MCCC1: variants seen among roughly 807,000 people sequenced by gnomAD.
MCCC1 encodes the protein methylcrotonoyl-CoA carboxylase subunit alpha, mitochondrial.
A neutral mutation model predicts 83.8 loss-of-function variants in MCCC1; 64 were observed. The ratio of observed to expected loss-of-function variants is 0.76; its 90% CI spans 0.62 to 0.94. The LOEUF (loss-of-function observed/expected upper bound fraction) is 0.94. MCCC1 is among the 40% of genes least tolerant of loss of function. The pLI is 0.00. For missense variants in MCCC1, 807 were observed against 904.7 expected, an observed-to-expected ratio of 0.89 and a Z score of 1.39; for synonymous variants, 322 against 315.4, an observed-to-expected ratio of 1.02 and a Z score of -0.22.
At position 183,080,977 on chromosome 3, in the gene MCCC1, A is replaced by T. The variant is rs532378102; in HGVS notation, c.369+5716T>A. Among the ~76,000 whole-genome samples the T allele has an allele frequency of 1.2e-4, 18 of 152,364 alleles. No homozygotes were observed. In the South Asian group the frequency reaches 3.7e-3, roughly 32 times the overall value. ...TCACCTCCTACCGGGTTCCTCCCAT[A>T]ATACGTGGGAATTGTAGGAGTTGCA... On this transcript the variant is annotated intron_variant, in intron 4 of 18. Coordinates refer to ENST00000265594, the MANE Select transcript of MCCC1 (RefSeq NM_020166.5).
chr3:183,080,363 T>C (rs979365396), intron 4 of MCCC1, among the ~76,000 whole-genome samples: 7 of 152,166 alleles, frequency 4.6e-5, no homozygotes, highest in Non-Finnish European at 2.9e-5. Flanking sequence ...TCTCTCAAGT[T>C]TGAAGGTCCA....
At position 183,022,557 on chromosome 3, in the gene MCCC1, G is replaced by GA. The variant is rs1252683350; in HGVS notation, c.1732-4dup. ...ACTTGGAAAGTTTTATCTTCAATCTGAAAAAAATGAAAAATAAGATTTTTA... is the reference window on the plus strand; with the variant it reads ...ACTTGGAAAGTTTTATCTTCAATCTGAAAAAAAATGAAAAATAAGATTTTTA... On this transcript the variant is annotated splice_region_variant and splice_polypyrimidine_tract_variant and intron_variant, in intron 15 of 18. Transcript: ENST00000265594. 2 of 1,602,110 alleles carry GA rather than the reference G, an allele frequency of 1.2e-6. No homozygotes were observed. The highest frequency in any genetic ancestry group is 1.7e-6 in the Non-Finnish European group (2 of 1,171,356).
intron 10 of MCCC1, 131 bp from the exon 11 acceptor site, chr3:183,041,881 T>C: frequency 9.9e-7 from 1 of 1,013,050 alleles, no homozygotes; most frequent in Non-Finnish European, 1.5e-6. Flanking sequence ...ATAAAAACTA[T>C]TATTTTGTCT....
At chr3:183,082,634 A>G (rs2108546055) in intron 4 of MCCC1, among the ~76,000 whole-genome samples, 1 of 152,306 alleles carries the variant, frequency 6.6e-6, no homozygotes, top group South Asian at 2.1e-4. Flanking sequence ...AGACAGGGTT[A>G]ACTACAACCT....
chr3:183,092,749 A>G (rs1488457725), intron 2 of MCCC1, among the ~76,000 whole-genome samples: 2 of 152,240 alleles, frequency 1.3e-5, no homozygotes, highest in Admixed American at 1.3e-4. Context: ...GGTACTCATT[A>G]ACATAAATTA....
rs984881958 is a variant in MCCC1 at position 183,015,480 on chromosome 3, G to A, written c.2136C>T (p.Val712=). ...TGTCTGATTCTTCCTCCTCAAACTC[G>A]ACTAAAGGAGTGTGTCTGTTGGCCT... ...GAQANRHTPL[V]EFEEEESDKR... The change falls in exon 19 of 19, where the codon GTC becomes GTT. Residue 712 remains valine (V), a synonymous_variant. Coordinates refer to ENST00000265594, the MANE Select transcript of MCCC1 (RefSeq NM_020166.5). 3.1e-6 allele frequency: 5 copies of A among 1,614,056 alleles called. 1 individual carries two copies. In the African/African-American group the frequency reaches 6.7e-5, roughly 22 times the overall value.
rs115056943 is a variant in MCCC1 at position 183,083,109 on chromosome 3, A to C, written c.369+3584T>G. 3.5e-3 allele frequency among the ~76,000 whole-genome samples: 540 copies of C among 152,348 alleles called. 3 individuals are homozygous for C. The highest frequency in any genetic ancestry group is 0.012 in the African/African-American group (511 of 41,584). ...TAAATTTTACTTTAATTTCTATAAA[A>C]GTATGTCAAAATGGCCACATTAAGA... On this transcript the variant is annotated intron_variant, in intron 4 of 18. Transcript: ENST00000265594.
Position 183,015,393 on chromosome 3 carries a change from T to C in MCCC1, c.*45A>G. The C allele has an allele frequency of 6.2e-7, 1 of 1,611,838 alleles. No individual in the cohort carries two copies. Among genetic ancestry groups the C allele is most frequent in the South Asian group, 1.1e-5 (1 of 90,992 alleles). ...AGCTGGAGGCACTTCCTCTTTTTGG[T>C]GGAGAGAGAAGACACTACTTAACTG... is the stretch of plus-strand genomic sequence containing the variant. On this transcript the variant is annotated 3_prime_UTR_variant, in exon 19 of 19. Coordinates refer to ENST00000265594, the MANE Select transcript of MCCC1 (RefSeq NM_020166.5).
At chr3:183,048,610 G>T (rs111997587) in intron 9 of MCCC1, among the ~76,000 whole-genome samples, 13 of 152,144 alleles carry the variant, frequency 8.5e-5, no homozygotes, top group African/African-American at 3.1e-4. Context: ...TAGCAAAAAA[G>T]AATTGTAAGG....
At chr3:183,070,714 C>G (rs887265336) in intron 7 of MCCC1, among the ~76,000 whole-genome samples, 40 of 142,394 alleles carry the variant, frequency 2.8e-4, no homozygotes, top group Non-Finnish European at 4.2e-4. Context: ...GCCTGGGCAA[C>G]TGAATGAGAG....
intron 1 of MCCC1, among the ~76,000 whole-genome samples, chr3:183,095,218 G>C (rs191848197): frequency 6.6e-6 from 1 of 152,102 alleles, no homozygotes; most frequent in Admixed American, 6.5e-5. Flanking sequence ...AGGAGGCAGA[G>C]CTTGCAGTGA....
chr3:183,100,811 T>C (rs1719201457), upstream of MCCC1, among the ~76,000 whole-genome samples: 1 of 152,242 alleles, frequency 6.6e-6, no homozygotes, highest in Non-Finnish European at 1.5e-5. Context: ...TGAGGAGCCC[T>C]TCAGTCCCCC....
chr3:183,106,451 T>C (rs1272186761), intron 1 of MCCC1, among the ~76,000 whole-genome samples: 1 of 152,108 alleles, frequency 6.6e-6, no homozygotes, highest in Non-Finnish European at 1.5e-5. Flanking sequence ...ATAGTACCCT[T>C]CACCTAGATT....
At chr3:183,022,675 T>C (rs997309773) in intron 15 of MCCC1, 121 bp from the exon 16 acceptor site, 2 of 865,250 alleles carry the variant, frequency 2.3e-6, no homozygotes, top group African/African-American at 1.7e-5. Context: ...TAAACATATA[T>C]AACATATATT....
At chr3:183,063,718 G>A (rs1409109721) in intron 7 of MCCC1, among the ~76,000 whole-genome samples, 1 of 152,084 alleles carries the variant, frequency 6.6e-6, no homozygotes, top group African/African-American at 2.4e-5. Flanking sequence ...CAGGACCCCC[G>A]TCTGGTAACA....
rs773028245 is a variant in MCCC1, at chr3:183,071,143, G to A, written c.640-23C>T. On this transcript the variant is annotated intron_variant, in intron 6 of 18. Transcript: ENST00000265594. ...TCCCTAAGAGAGAAAAGATGATTAT[G>A]ACTACAACATAAATAAAACAAAGAA... The A allele has an allele frequency of 2.5e-6, 4 of 1,614,140 alleles. No homozygotes were observed. In the Admixed American group the frequency reaches 6.7e-5, roughly 27 times the overall value.
Position 183,027,033 on chromosome 3 carries a change from G to A in MCCC1, c.1682-1229C>T, listed in dbSNP as rs947055451. ...TTTTCCAACAGCATGTGCTCACTTCGTGTCTCTATGTCACATTTTTGTAAT... is the reference window on the plus strand; with the variant it reads ...TTTTCCAACAGCATGTGCTCACTTCATGTCTCTATGTCACATTTTTGTAAT... On this transcript the variant is annotated intron_variant, in intron 14 of 18. Transcript: ENST00000265594. Among the ~76,000 whole-genome samples, 9 of 152,088 alleles carry A rather than the reference G, an allele frequency of 5.9e-5. No homozygotes were observed. The South Asian group carries it at 8.3e-4, about 14-fold the overall frequency.
intron 7 of MCCC1, among the ~76,000 whole-genome samples, chr3:183,065,656 G>C (rs1577320506): frequency 6.6e-6 from 1 of 152,072 alleles, no homozygotes; most frequent in Non-Finnish European, 1.5e-5. Flanking sequence ...AGATTAAAAA[G>C]TTAAAGGATT....
At chr3:183,032,368 G>C (rs1025788917) in intron 14 of MCCC1, among the ~76,000 whole-genome samples, 1 of 152,208 alleles carries the variant, frequency 6.6e-6, no homozygotes, top group Non-Finnish European at 1.5e-5. Context: ...TCTAGAATAA[G>C]ATACTTCCAG....
Sources: allele counts gnomAD v4.1 joint callset (sites outside exome capture counted in the v4.1 genomes callset), GRCh38; gene constraint gnomAD v4.1.1; transcripts MANE v1.5; gene names NCBI Gene and HGNC (gene_info 2026-07-23, HGNC 2026-07-21).